Variants in PPP2R2B observed in about 807,000 individuals in gnomAD.
The protein encoded by PPP2R2B is serine/threonine-protein phosphatase 2A 55 kDa regulatory subunit B beta isoform.
In PPP2R2B, 5 loss-of-function variants were observed where a neutral mutation model predicts 46.0. The observed-to-expected ratio is 0.11, with a 90% CI of 0.06 to 0.23. The LOEUF (loss-of-function observed/expected upper bound fraction) is 0.23, where lower values mean the gene tolerates loss of function less well. Ranked by LOEUF, PPP2R2B falls within the 10% of genes least tolerant of loss-of-function variation. The pLI is 1.00. For synonymous variants in PPP2R2B, 215 were observed against 206.7 expected (o/e 1.04, Z -0.34); for missense variants, 367 against 575.0 (o/e 0.64, Z 3.70).
intron 7 of PPP2R2B, among the ~76,000 whole-genome samples, chr5:146,601,756 T>C (rs1302111371): frequency 2.6e-5 from 4 of 152,330 alleles, no homozygotes; most frequent in East Asian, 3.9e-4. Flanking sequence ...TTTTGTTACA[T>C]AGATATATTG....
chr5:146,802,292 T>C (rs1756911933), intron 2 of PPP2R2B, among the ~76,000 whole-genome samples: 1 of 152,224 alleles, frequency 6.6e-6, no homozygotes, highest in African/African-American at 2.4e-5. Context: ...GTACCTAACA[T>C]CTGGCATAGC....
intron 1 of PPP2R2B, among the ~76,000 whole-genome samples, chr5:146,981,792 C>A (rs183934204): frequency 6.6e-6 from 1 of 152,276 alleles, no homozygotes; most frequent in Non-Finnish European, 1.5e-5. Context: ...GTTCTCCAAT[C>A]CTATAATTTT....
At chr5:146,669,676 T>A (rs1777220764) in intron 5 of PPP2R2B, among the ~76,000 whole-genome samples, 1 of 152,194 alleles carries the variant, frequency 6.6e-6, no homozygotes, top group Non-Finnish European at 1.5e-5. Context: ...TACTGTCCCC[T>A]GTATGCTTTA....
At chr5:146,681,395 C>T (rs570794498) in intron 5 of PPP2R2B, among the ~76,000 whole-genome samples, 5 of 152,270 alleles carry the variant, frequency 3.3e-5, no homozygotes, top group African/African-American at 4.8e-5. Flanking sequence ...CATGCCTGCA[C>T]GCACCCACAC....
At chr5:146,644,347 A>G (rs1484653361) in intron 6 of PPP2R2B, among the ~76,000 whole-genome samples, 1 of 151,836 alleles carries the variant, frequency 6.6e-6, no homozygotes, top group Non-Finnish European at 1.5e-5. Flanking sequence ...TTCCCCCTGA[A>G]CCCACATTGT....
rs1000856249 is a variant in PPP2R2B, at chr5:147,015,705, T to C, written c.79+39960A>G. On this transcript the variant is annotated intron_variant, in intron 1 of 8. Coordinates refer to the PPP2R2B transcript ENST00000336640. ...ATGTTTCTTAACTCTTGAATCTTTATTCTCTTAATGTAAAATAAGAATGCT... is the reference window on the plus strand; with the variant it reads ...ATGTTTCTTAACTCTTGAATCTTTACTCTCTTAATGTAAAATAAGAATGCT... 2.4e-4 allele frequency among the ~76,000 whole-genome samples: 37 copies of C among 151,324 alleles called. 1 individual carries two copies. The highest frequency in any genetic ancestry group is 7.7e-4 in the African/African-American group (32 of 41,476).
At chr5:147,001,753 C>A (rs1754188022) in intron 1 of PPP2R2B, among the ~76,000 whole-genome samples, 1 of 152,152 alleles carries the variant, frequency 6.6e-6, no homozygotes, top group Admixed American at 6.5e-5. Flanking sequence ...ACTTGTTGGC[C>A]AGTTAAAAGC....
chr5:146,615,515 TAAAA>T (rs1364774106), intron 7 of PPP2R2B, among the ~76,000 whole-genome samples: 1 of 71,034 alleles, frequency 1.4e-5, no homozygotes, highest in Non-Finnish European at 3.2e-5. Flanking sequence ...AAAAAAAAAT[TAAAA>T]AAAAAAAAAA....
intron 2 of PPP2R2B, among the ~76,000 whole-genome samples, chr5:146,774,174 A>T (rs1298264766): frequency 1.3e-5 from 2 of 152,206 alleles, no homozygotes; most frequent in Admixed American, 6.5e-5. Flanking sequence ...TAGTTTTCTG[A>T]AAATTGATAG....
At chr5:146,864,812 C>G (rs1293803663) in intron 2 of PPP2R2B, among the ~76,000 whole-genome samples, 1 of 152,110 alleles carries the variant, frequency 6.6e-6, no homozygotes. Flanking sequence ...CTGATCTTCA[C>G]CCCACATAAG....
At chr5:147,079,339 GAATA>G (rs1757896785) in intron 2 of PPP2R2B, among the ~76,000 whole-genome samples, 1 of 139,158 alleles carries the variant, frequency 7.2e-6, no homozygotes, top group African/African-American at 2.6e-5. Context: ...ATAAACAGAT[GAATA>G]GATACATACA....
intron 2 of PPP2R2B, among the ~76,000 whole-genome samples, chr5:146,775,650 A>T (rs1316486021): frequency 6.6e-6 from 1 of 152,146 alleles, no homozygotes; most frequent in Non-Finnish European, 1.5e-5. Flanking sequence ...AAAATAAATA[A>T]AAGGCACCTA....
At chr5:146,699,688 A>G (rs6870918) in intron 3 of PPP2R2B, among the ~76,000 whole-genome samples, 4,046 of 134,440 alleles carry the variant, frequency 0.03, 224 homozygotes, top group African/African-American at 0.12. Flanking sequence ...TTTTTTTAAG[A>G]AAAAGCTGGA....
intron 2 of PPP2R2B, among the ~76,000 whole-genome samples, chr5:146,755,346 T>G (rs1391362890): frequency 6.6e-6 from 1 of 152,244 alleles, no homozygotes; most frequent in Non-Finnish European, 1.5e-5. Flanking sequence ...GAGGTTTACC[T>G]TTGATCACCT....
chr5:146,698,317 A>AAAAAAAAAAT (rs1250416449), intron 3 of PPP2R2B, among the ~76,000 whole-genome samples, 173 bp from the exon 4 acceptor site: 1 of 85,650 alleles, frequency 1.2e-5, no homozygotes. Context: ...AAAAAAAAAA[A>AAAAAAAAAAT]ATATATATAT....
intron 7 of PPP2R2B, among the ~76,000 whole-genome samples, chr5:146,604,714 T>C (rs1043791692): frequency 1.3e-5 from 2 of 152,178 alleles, no homozygotes; most frequent in Admixed American, 6.5e-5. Context: ...GAAGGTACTA[T>C]CACTCTTCTC....
At position 146,587,518 on chromosome 5, in the gene PPP2R2B, A is replaced by G. The variant is rs1770224418; in HGVS notation, c.*2429T>C. ...TCGCAGATAAACTGCAAAGGGGCCT[A>G]TGAACTCCTTAAACCATGACAAAAA... On this transcript the variant is annotated 3_prime_UTR_variant, in exon 10 of 10. Coordinates refer to ENST00000394411, the MANE Select transcript of PPP2R2B (RefSeq NM_181675.4). 2 of 152,230 alleles carry G rather than the reference A, an allele frequency of 1.3e-5. No individual in the cohort carries two copies. The highest frequency in any genetic ancestry group is 4.8e-5 in the African/African-American group (2 of 41,458). 9.4% of individuals were successfully genotyped at this position (152,230 alleles called of 1,614,324 possible).
At chr5:147,020,316 G>A (rs1755200084) in intron 1 of PPP2R2B, among the ~76,000 whole-genome samples, 1 of 151,922 alleles carries the variant, frequency 6.6e-6, no homozygotes. Context: ...ATATTTATAT[G>A]ATTATTTAAT....
intron 7 of PPP2R2B, among the ~76,000 whole-genome samples, chr5:146,605,458 A>C (rs1228748612): frequency 6.6e-6 from 1 of 152,156 alleles, no homozygotes; most frequent in Non-Finnish European, 1.5e-5. Context: ...AAAATGTTCA[A>C]CCTGTGATAT....
Sources: gnomAD v4.1 joint callset for allele counts (sites outside exome capture counted in the v4.1 genomes callset) on GRCh38, gnomAD v4.1.1 for gene constraint, MANE v1.5 for transcripts, NCBI Gene and HGNC (gene_info 2026-07-23, HGNC 2026-07-21) for gene names.